SLC25A24: variants seen among roughly 807,000 people sequenced by gnomAD.
SLC25A24 encodes the protein mitochondrial adenyl nucleotide antiporter SLC25A24.
In SLC25A24, 49 loss-of-function variants were observed where a neutral mutation model predicts 60.7. The observed-to-expected ratio is 0.81, with a 90% CI of 0.64 to 1.02. The LOEUF is 1.02. Ranked by LOEUF, SLC25A24 falls within the 50% of genes least tolerant of loss-of-function variation. The probability of loss-of-function intolerance (pLI) is 0.00; values close to 1 mark genes in which losing one functional copy is unlikely to be tolerated. For synonymous variants in SLC25A24, 202 were observed against 200.6 expected, an observed-to-expected ratio of 1.01 and a Z score of -0.06; for missense variants, 564 against 586.3, an observed-to-expected ratio of 0.96 and a Z score of 0.39.
At chr1:108,157,129 T>A (rs1319458732) in intron 5 of SLC25A24, among the ~76,000 whole-genome samples, 2 of 152,348 alleles carry the variant, frequency 1.3e-5, no homozygotes, top group East Asian at 3.9e-4. Flanking sequence ...AAAAATACTT[T>A]ACTTTTGATA....
At chr1:108,196,877 G>T (rs533664464) in intron 1 of SLC25A24, among the ~76,000 whole-genome samples, 1 of 152,270 alleles carries the variant, frequency 6.6e-6, no homozygotes, top group East Asian at 1.9e-4. Flanking sequence ...GAAAATAACT[G>T]AAGACTTTTA....
Position 108,143,633 on chromosome 1 carries a change from T to C in SLC25A24, c.1008A>G (p.Lys336=). The change falls in exon 8 of 10, where the codon AAA becomes AAG. Residue 336 remains lysine (K), a synonymous_variant. Transcript: ENST00000565488. ...GIYDCAKKIL[K]HEGLGAFYKG... is the part of the protein sequence containing the mutation. ...TGTAAAAAGCTCCCAAGCCTTCATG[T>C]TTCAAAATCTTCTTGGCACAATCAT... 1 of 1,613,870 alleles carries C rather than the reference T, an allele frequency of 6.2e-7. No individual in the cohort carries two copies. The highest frequency in any genetic ancestry group is 1.7e-4 in the Middle Eastern group (1 of 6,060).
chr1:108,174,700 T>A (rs1647609706), intron 3 of SLC25A24, among the ~76,000 whole-genome samples: 1 of 151,646 alleles, frequency 6.6e-6, no homozygotes, highest in African/African-American at 2.4e-5. Context: ...CAGAAGGGGG[T>A]CTGTACCCTG....
chr1:108,161,289 C>G lies in SLC25A24; in HGVS notation c.403G>C (p.Asp135His). 1 of 1,533,690 alleles carries G rather than the reference C, an allele frequency of 6.5e-7. No homozygotes were observed. Among genetic ancestry groups the G allele is most frequent in the Non-Finnish European group, 9.0e-7 (1 of 1,113,336 alleles). ...TCCACTGTCATTGTCCCATCAACAT[C>G]AATGCTGAAATTTTAAAAAAATGAT... is the stretch of plus-strand genomic sequence containing the variant. ...QQAELILQSIDVDGTMTVDWN... is the reference protein window; with the variant it reads ...QQAELILQSIHVDGTMTVDWN... Residue 135 changes from aspartate to histidine, a missense_variant, in exon 4 of 10, where the codon GAT becomes CAT. Coordinates refer to ENST00000565488, the MANE Select transcript of SLC25A24 (RefSeq NM_013386.5).
In SLC25A24 at chr1:108,154,994, C is replaced by A; in HGVS notation, c.811G>T (p.Ala271Ser). 6.2e-7 allele frequency: 1 copy of A among 1,606,468 alleles called. No individual in the cohort carries two copies. The highest frequency in any genetic ancestry group is 8.5e-7 in the Non-Finnish European group (1 of 1,176,670). ...GTGATAACAATTACCTGTTCATATG[C>A]CCAGAATTTAACAGCTGTCTCAGGA... ...IAPETAVKFWAYEQYKKLLTE... is the reference protein window; with the variant it reads ...IAPETAVKFWSYEQYKKLLTE... Residue 271 changes from alanine (A) to serine (S), a missense_variant, in exon 6 of 10, where the codon GCA (alanine) becomes TCA (serine). Ala to Ser is a moderately conservative substitution (Grantham distance 99). Coordinates refer to ENST00000565488, the MANE Select transcript of SLC25A24 (RefSeq NM_013386.5).
At chr1:108,170,500 T>C (rs1399414195) in intron 3 of SLC25A24, among the ~76,000 whole-genome samples, 4 of 152,184 alleles carry the variant, frequency 2.6e-5, no homozygotes, top group African/African-American at 7.2e-5. Flanking sequence ...TAGAAGTTTT[T>C]GTCTTCACTA....
chr1:108,157,365 T>C, intron 5 of SLC25A24, 97 bp downstream of exon 5: 3 of 1,312,704 alleles, frequency 2.3e-6, no homozygotes, highest in Non-Finnish European at 3.1e-6. Flanking sequence ...TAAAAGATTA[T>C]TACTGAGAAA....
chr1:108,169,260 G>A (rs1379025969), intron 3 of SLC25A24, among the ~76,000 whole-genome samples: 1 of 152,112 alleles, frequency 6.6e-6, no homozygotes, highest in African/African-American at 2.4e-5. Context: ...GCTCCTTACA[G>A]TTCTTCAGGA....
intron 6 of SLC25A24, among the ~76,000 whole-genome samples, chr1:108,154,402 C>T (rs1326601830): frequency 2.0e-5 from 3 of 152,146 alleles, no homozygotes; most frequent in African/African-American, 7.2e-5. Flanking sequence ...GAAGCAATAG[C>T]TCAAATAATC....
chr1:108,162,468 T>C (rs1390216521), intron 3 of SLC25A24, among the ~76,000 whole-genome samples: 4 of 149,596 alleles, frequency 2.7e-5, no homozygotes, highest in Admixed American at 2.7e-4. Context: ...GTTTCCTGAC[T>C]TTTTAATGAT....
intron 4 of SLC25A24, among the ~76,000 whole-genome samples, chr1:108,157,907 T>G: frequency 6.6e-6 from 1 of 151,220 alleles, no homozygotes; most frequent in Middle Eastern, 3.4e-3. Flanking sequence ...TTTCTCTTGG[T>G]CTAGGTTAAA....
chr1:108,194,680 C>G (rs607101), intron 1 of SLC25A24, among the ~76,000 whole-genome samples: 37,068 of 152,150 alleles, frequency 0.24, 5,018 homozygotes, highest in African/African-American at 0.33. Flanking sequence ...TACACACACA[C>G]ACAGACCTAC....
chr1:108,163,850 G>A lies in SLC25A24; in HGVS notation c.399-2557C>T, dbSNP rs947674320. On this transcript the variant is annotated intron_variant, in intron 3 of 9. Coordinates refer to ENST00000565488, the MANE Select transcript of SLC25A24 (RefSeq NM_013386.5). ...TATGTCGAATAGGAGTGGTGAGAGA[G>A]GGCATCCCTGTCTTGTGCCAGTTTT... Among the ~76,000 whole-genome samples, 7 of 152,266 alleles carry A rather than the reference G, an allele frequency of 4.6e-5. No individual in the cohort carries two copies. The East Asian group carries it at 1.3e-3, about 29-fold the overall frequency.
chr1:108,139,301 G>A lies in SLC25A24; in HGVS notation c.1099-93C>T, dbSNP rs187417287. 49 of 1,296,624 alleles carry A rather than the reference G, an allele frequency of 3.8e-5. No individual in the cohort carries two copies. The African/African-American group carries it at 4.8e-4, about 13-fold the overall frequency. 80.3% of individuals were successfully genotyped at this position (1,296,624 alleles called of 1,614,324 possible). A position where few individuals can be genotyped will look rare whatever the true frequency, so the allele number is the denominator to read the frequency against. On this transcript the variant is annotated intron_variant, in intron 8 of 9. Coordinates refer to ENST00000565488, the MANE Select transcript of SLC25A24 (RefSeq NM_013386.5). ...TATTCTCAACCTCATGAGAAGCCCCGTTTCTGCAGGATGAGGCCACGCATT... is the reference window on the plus strand; with the variant it reads ...TATTCTCAACCTCATGAGAAGCCCCATTTCTGCAGGATGAGGCCACGCATT...
At chr1:108,154,283 G>A (rs1433216687) in intron 6 of SLC25A24, among the ~76,000 whole-genome samples, 1 of 151,840 alleles carries the variant, frequency 6.6e-6, no homozygotes, top group African/African-American at 2.4e-5. Context: ...AATAAATAAT[G>A]GAAAACATAA....
At chr1:108,159,897 C>A (rs1345925463) in intron 4 of SLC25A24, among the ~76,000 whole-genome samples, 3 of 151,186 alleles carry the variant, frequency 2.0e-5, no homozygotes, top group Non-Finnish European at 4.4e-5. Context: ...CATCCGATTT[C>A]TCAATCTTTT....
At chr1:108,161,147 C>T (rs555311896) in intron 4 of SLC25A24, 35 bp downstream of exon 4, 3 of 1,169,276 alleles carry the variant, frequency 2.6e-6, no homozygotes, top group African/African-American at 3.0e-5. Context: ...TGGTTTATAG[C>T]TCCAAATAAG....
chr1:108,165,260 GTA>G (rs1357805098), intron 3 of SLC25A24, among the ~76,000 whole-genome samples: 2 of 152,220 alleles, frequency 1.3e-5, no homozygotes, highest in Non-Finnish European at 2.9e-5. Context: ...TGAAAAAAAT[GTA>G]TATTCTGTTG....
chr1:108,190,102 G>C (rs561535503), intron 1 of SLC25A24, among the ~76,000 whole-genome samples: 2 of 152,162 alleles, frequency 1.3e-5, no homozygotes, highest in South Asian at 4.2e-4. Flanking sequence ...GTTTGCTATA[G>C]CAAGGGAGTC....
Sources: allele counts gnomAD v4.1 joint callset (sites outside exome capture counted in the v4.1 genomes callset), GRCh38; gene constraint gnomAD v4.1.1; transcripts MANE v1.5; gene names NCBI Gene and HGNC (gene_info 2026-07-23, HGNC 2026-07-21).